Variants in PELP1 observed in about 807,000 individuals in gnomAD.
PELP1 encodes proline, glutamate and leucine rich protein 1.
PELP1 carries 32 observed loss-of-function variants against 95.5 expected under a neutral mutation model. The ratio of observed to expected loss-of-function variants is 0.34; its 90% CI spans 0.25 to 0.45. The LOEUF is 0.45. PELP1 is among the 20% of genes least tolerant of loss of function. The pLI is 1.00. For synonymous variants in PELP1, 668 were observed against 600.1 expected, an observed-to-expected ratio of 1.11 and a Z score of -1.65; for missense variants, 1,358 against 1,444.8, an observed-to-expected ratio of 0.94 and a Z score of 0.97.
rs543525549 is a variant in PELP1, at chr17:4,686,857, C to T, written c.421-3905G>A. ...TCAATCACCACCACCACCTCCTCAT[C>T]CCTGCTTAAAACCTTCCATGAGTTG... On this transcript the variant is annotated intron_variant, in intron 3 of 16. Transcript: ENST00000572293. 7.2e-5 allele frequency among the ~76,000 whole-genome samples: 11 copies of T among 152,202 alleles called. No individual in the cohort carries two copies. In the South Asian group the frequency reaches 2.3e-3, roughly 32 times the overall value.
chr17:4,690,695 C>G (rs189674760), intron 3 of PELP1, among the ~76,000 whole-genome samples, 193 bp downstream of exon 3: 1 of 152,254 alleles, frequency 6.6e-6, no homozygotes, highest in Admixed American at 6.5e-5. Context: ...GCCCTCCAGC[C>G]TGAGTGACAA....
chr17:4,681,322 A>T (rs12937409), intron 5 of PELP1, among the ~76,000 whole-genome samples: 145,715 of 152,172 alleles, frequency 0.96, 70,085 homozygotes, highest in East Asian at 1. Flanking sequence ...TCGTCTCTAC[A>T]ACAAATATAA....
At chr17:4,688,044 G>C (rs11868163) in intron 3 of PELP1, among the ~76,000 whole-genome samples, 9,050 of 152,124 alleles carry the variant, frequency 0.059, 599 homozygotes, top group East Asian at 0.18. Context: ...AAGAAATAAA[G>C]GGCGTCTAGG....
chr17:4,703,661 C>T (rs1052020706), intron 1 of PELP1, among the ~76,000 whole-genome samples: 2 of 152,180 alleles, frequency 1.3e-5, no homozygotes, highest in East Asian at 1.9e-4. Context: ...AAAAATAAGG[C>T]CCATTTTTCC....
chr17:4,700,518 C>T (rs1913482091), intron 1 of PELP1, among the ~76,000 whole-genome samples: 1 of 152,048 alleles, frequency 6.6e-6, no homozygotes, highest in Non-Finnish European at 1.5e-5. Flanking sequence ...GTGGCAGGTG[C>T]CTGTAATCCC....
Position 4,689,396 on chromosome 17 carries a change from G to A in PELP1, c.420+1492C>T, listed in dbSNP as rs532614903. 1.1e-3 allele frequency among the ~76,000 whole-genome samples: 172 copies of A among 152,198 alleles called. 7 individuals carry two copies. In the South Asian group the frequency reaches 0.033, roughly 29 times the overall value. ...ATAATCAGTAAACAACCCACAAAGC[G>A]GGAGAAAATCTTCACAAACTATGCA... On this transcript the variant is annotated intron_variant, in intron 3 of 16. Coordinates refer to ENST00000572293, the MANE Select transcript of PELP1 (RefSeq NM_014389.3).
chr17:4,691,027 C>T lies in PELP1; in HGVS notation c.315-34G>A, dbSNP rs111245063. On this transcript the variant is annotated intron_variant, in intron 2 of 16. Coordinates refer to ENST00000572293, the MANE Select transcript of PELP1 (RefSeq NM_014389.3). ...AAAGAAGAGAGTCATGTTAAGTGGG[C>T]GGAGGCTAGACTTCAGAGAAAGTGA... 99 of 1,464,904 alleles carry T rather than the reference C, an allele frequency of 6.8e-5. 1 individual carries two copies. Among genetic ancestry groups the T allele is most frequent in the African/African-American group, 5.7e-4 (41 of 72,276 alleles). The allele number at this position is 1,464,904 out of a possible 1,614,324, so 90.7% of individuals were successfully genotyped here. A position where few individuals can be genotyped will look rare whatever the true frequency, so the allele number is the denominator to read the frequency against.
At chr17:4,676,941 C>T in intron 5 of PELP1, 129 bp from the exon 6 acceptor site, 1 of 678,358 alleles carries the variant, frequency 1.5e-6, no homozygotes, top group Admixed American at 2.7e-5. Flanking sequence ...AGAAGCAAAG[C>T]CCTCTATGGG....
chr17:4,686,446 C>T (rs1337275948), intron 3 of PELP1, among the ~76,000 whole-genome samples: 2 of 152,214 alleles, frequency 1.3e-5, no homozygotes, highest in Admixed American at 1.3e-4. Flanking sequence ...TAGCAGCCAT[C>T]TACATAGAGT....
chr17:4,695,209 C>T (rs1352298060), intron 1 of PELP1, among the ~76,000 whole-genome samples: 2 of 151,236 alleles, frequency 1.3e-5, no homozygotes, highest in Non-Finnish European at 1.5e-5. Context: ...GTAATCCCAA[C>T]TACTAGGGAG....
At chr17:4,671,665 G>A (rs1386949983) in intron 16 of PELP1, 26 bp downstream of exon 16, 8 of 1,596,872 alleles carry the variant, frequency 5.0e-6, no homozygotes, top group South Asian at 2.2e-5. Flanking sequence ...TCTCGCCCAA[G>A]GAACCTTCCC....
chr17:4,673,710 CCAACAGACTGA>C lies in PELP1; in HGVS notation c.1583-47_1583-37del. On this transcript the variant is annotated intron_variant, in intron 13 of 16. Coordinates refer to ENST00000572293, the MANE Select transcript of PELP1 (RefSeq NM_014389.3). This position sits in a 1 kb window ranked among gnomAD's most constrained non-coding sequence, Gnocchi z 5.7. ...AGAATGGTGTGTAAAGGGTAGGCTC[CCAACAGACTGA>C]CGGCAAGGGCTTCTGAAGCATACAG... 6.3e-7 allele frequency: 1 copy of C among 1,589,118 alleles called. No homozygotes were observed. Among genetic ancestry groups the C allele is most frequent in the Non-Finnish European group, 8.6e-7 (1 of 1,157,256 alleles).
rs932523770 is a variant in PELP1, at chr17:4,671,464, G to A, written c.3368C>T (p.Pro1123Leu). 6.3e-7 allele frequency: 1 copy of A among 1,587,720 alleles called. No homozygotes were observed. Among genetic ancestry groups the A allele is most frequent in the African/African-American group, 1.3e-5 (1 of 74,508 alleles). ...CTAGGAGTCAGGCTCTGTGGGAGGT[G>A]GTGGCTTCTCATCATCAGGGGGACA... is the stretch of plus-strand genomic sequence containing the variant. ...IDCPPDDEKPPPPTEPDS is the reference protein window; with the variant it reads ...IDCPPDDEKPLPPTEPDS The change falls in exon 17 of 17, where the codon CCA becomes CTA. Residue 1123 changes from proline to leucine, a missense_variant. This residue lies in a region of PELP1 where 283 missense variants were observed against 284.1 expected (regional missense o/e 1.00). Coordinates refer to ENST00000572293, the MANE Select transcript of PELP1 (RefSeq NM_014389.3).
rs781228012 is a variant in PELP1, at chr17:4,671,328, C to G, written c.*111G>C. 127 of 697,590 alleles carry G rather than the reference C, an allele frequency of 1.8e-4. No individual in the cohort carries two copies. The highest frequency in any genetic ancestry group is 3.4e-5 in the Non-Finnish European group (13 of 381,272). 43.2% of individuals were successfully genotyped at this position (697,590 alleles called of 1,614,324 possible). On this transcript the variant is annotated 3_prime_UTR_variant, in exon 17 of 17. Transcript: ENST00000572293. ...ACTATGGACACCCTGAAAAGCCCAGCAGACACTTGAGCTTCTGGCTGGGGA... is the reference window on the plus strand; with the variant it reads ...ACTATGGACACCCTGAAAAGCCCAGGAGACACTTGAGCTTCTGGCTGGGGA...
At position 4,672,315 on chromosome 17, in the gene PELP1, T is replaced by TTCCTCC; in HGVS notation, c.2670_2675dup (p.Glu907_Glu908dup). On this transcript the variant is annotated inframe_insertion, in exon 16 of 17. Coordinates refer to ENST00000572293, the MANE Select transcript of PELP1 (RefSeq NM_014389.3). ...CTTCTTCTTCTTCCTCTTCTTCCTC[T>TTCCTCC]TCCTCCTCCTCTTCATCACTGCTGT... The TTCCTCC allele has an allele frequency of 1.3e-6, 2 of 1,553,298 alleles. No individual in the cohort carries two copies. Among genetic ancestry groups the TTCCTCC allele is most frequent in the Non-Finnish European group, 1.7e-6 (2 of 1,147,872 alleles).
chr17:4,692,206 G>C (rs376508938), intron 1 of PELP1, among the ~76,000 whole-genome samples: 4 of 152,260 alleles, frequency 2.6e-5, no homozygotes, highest in African/African-American at 9.6e-5. Flanking sequence ...AGTGGCTCAC[G>C]CCTGTAATCC....
rs1912199787 is a variant in PELP1 at position 4,671,529 on chromosome 17, C to T, written c.3303G>A (p.Glu1101=). 1 of 1,613,684 alleles carries T rather than the reference C, an allele frequency of 6.2e-7. No individual in the cohort carries two copies. The highest frequency in any genetic ancestry group is 1.7e-5 in the Admixed American group (1 of 59,982). ...CCAGCATGGCAGCTGTGTCATCCTGCTCCTTTTAGGCACAAAGATACAAGA... is the reference window on the plus strand; with the variant it reads ...CCAGCATGGCAGCTGTGTCATCCTGTTCCTTTTAGGCACAAAGATACAAGA... ...ETEAEALQEK[E]QDDTAAMLAD... is the part of the protein sequence containing the mutation. Residue 1101 remains glutamate (E), a splice_region_variant and synonymous_variant, in exon 17 of 17, where the codon GAG becomes GAA. Transcript: ENST00000572293.
In PELP1 at chr17:4,673,583, C is replaced by T; in HGVS notation, c.1638+36G>A. On this transcript the variant is annotated intron_variant, in intron 14 of 16. Transcript: ENST00000572293. This position sits in a 1 kb window ranked among gnomAD's most constrained non-coding sequence, Gnocchi z 5.7. The stretch of plus-strand genomic sequence containing the variant: ...CCCAATGTGTACAGAGCAGGGGCCC[C>T]TTCCCCTATCTCCACGGAGACGAGG... The T allele has an allele frequency of 6.2e-7, 1 of 1,607,716 alleles. No homozygotes were observed.
At position 4,703,850 on chromosome 17, in the gene PELP1, G is replaced by T; in HGVS notation, c.249+13C>A. The T allele has an allele frequency of 6.2e-7, 1 of 1,602,786 alleles. No homozygotes were observed. Among genetic ancestry groups the T allele is most frequent in the Non-Finnish European group, 8.5e-7 (1 of 1,174,020 alleles). ...TCCCCACAGGGCCGCGGGCACGCGGGCCACGGACTCACCTGGGCCCCGCCC... is the reference window on the plus strand; with the variant it reads ...TCCCCACAGGGCCGCGGGCACGCGGTCCACGGACTCACCTGGGCCCCGCCC... On this transcript the variant is annotated intron_variant, in intron 1 of 16. Transcript: ENST00000572293.
Sources: allele counts gnomAD v4.1 joint callset (sites outside exome capture counted in the v4.1 genomes callset), GRCh38; gene constraint gnomAD v4.1.1; regional missense constraint gnomAD v4.1.1; non-coding constraint Gnocchi (gnomAD v3.1); transcripts MANE v1.5; gene names NCBI Gene and HGNC (gene_info 2026-07-23, HGNC 2026-07-21).